The following SGIP1 variants were observed in gnomAD, a reference collection of about 807,000 sequenced individuals.
The protein encoded by SGIP1 is SH3-containing GRB2-like protein 3-interacting protein 1.
A neutral mutation model predicts 107.5 loss-of-function variants in SGIP1; 38 were observed. The observed-to-expected ratio is 0.35, with a 90% CI of 0.27 to 0.46. The LOEUF (loss-of-function observed/expected upper bound fraction) is 0.46, where lower values mean the gene tolerates loss of function less well. SGIP1 is among the 20% of genes least tolerant of loss of function. The pLI, the probability that SGIP1 is intolerant of heterozygous loss-of-function variation, is 1.00. For synonymous variants in SGIP1, 365 were observed against 366.1 expected, an observed-to-expected ratio of 1.00 and a Z score of 0.03; for missense variants, 929 against 1,019.5, an observed-to-expected ratio of 0.91 and a Z score of 1.21.
At chr1:66,729,607 G>A (rs1421716529) in intron 20 of SGIP1, among the ~76,000 whole-genome samples, 188 bp downstream of exon 20, 1 of 152,152 alleles carries the variant, frequency 6.6e-6, no homozygotes, top group African/African-American at 2.4e-5. Flanking sequence ...GTGTGTGAAT[G>A]TGTGACTGCA....
intron 15 of SGIP1, among the ~76,000 whole-genome samples, chr1:66,683,674 C>A (rs993008669): frequency 2.2e-5 from 3 of 134,108 alleles, no homozygotes; most frequent in East Asian, 6.5e-4. Context: ...TTATCCTGGG[C>A]ACCACACTGT....
At chr1:66,640,229 A>T (rs767712972) in intron 5 of SGIP1, among the ~76,000 whole-genome samples, 23 of 152,302 alleles carry the variant, frequency 1.5e-4, no homozygotes, top group Non-Finnish European at 2.5e-4. Flanking sequence ...TGGGTAGCAA[A>T]AAAGAAGTCA....
At chr1:66,538,446 C>A (rs554808949) in intron 1 of SGIP1, among the ~76,000 whole-genome samples, 2 of 152,102 alleles carry the variant, frequency 1.3e-5, no homozygotes, top group African/African-American at 4.8e-5. Context: ...ATATATGTTC[C>A]CATCCAAATG....
At chr1:66,673,470 T>A (rs2084368508) in intron 12 of SGIP1, 104 bp downstream of exon 12, 20 of 1,057,944 alleles carry the variant, frequency 1.9e-5, no homozygotes, top group Non-Finnish European at 2.6e-5. Flanking sequence ...TTTAATATAT[T>A]ATTTTCGTGG....
chr1:66,726,451 TAGAGG>T (rs1272650711), intron 19 of SGIP1, among the ~76,000 whole-genome samples: 1 of 152,172 alleles, frequency 6.6e-6, no homozygotes, highest in Non-Finnish European at 1.5e-5. Flanking sequence ...GGAACAAAGT[TAGAGG>T]ACTAACATTA....
intron 23 of SGIP1, 70 bp downstream of exon 23, chr1:66,740,792 T>A (rs1572478043): frequency 1.1e-5 from 11 of 960,284 alleles, no homozygotes; most frequent in African/African-American, 1.7e-5. Context: ...TGCCAACTAT[T>A]ACCCAAAACA....
At chr1:66,578,127 T>C (rs964602719) in intron 1 of SGIP1, among the ~76,000 whole-genome samples, 2 of 152,226 alleles carry the variant, frequency 1.3e-5, no homozygotes, top group African/African-American at 4.8e-5. Flanking sequence ...GTACTGGGCA[T>C]TATTGGGGGT....
At chr1:66,586,860 G>C (rs926878986) in intron 1 of SGIP1, among the ~76,000 whole-genome samples, 3 of 151,652 alleles carry the variant, frequency 2.0e-5, no homozygotes, top group Non-Finnish European at 4.4e-5. Flanking sequence ...TTTTAGAGTA[G>C]GTCTGCTGGT....
intron 7 of SGIP1, among the ~76,000 whole-genome samples, chr1:66,653,140 G>A (rs762628779): frequency 1.1e-4 from 16 of 152,084 alleles, no homozygotes; most frequent in South Asian, 8.3e-4. Context: ...CACATGAGAC[G>A]CAACTTTTGT....
rs1207608352 is a variant in SGIP1 at position 66,748,274 on chromosome 1, C to T, written c.*5179C>T. The T allele has an allele frequency of 1.3e-5, 2 of 151,938 alleles. No homozygotes were observed. Among genetic ancestry groups the T allele is most frequent in the African/African-American group, 4.8e-5 (2 of 41,426 alleles). 9.4% of individuals were successfully genotyped at this position (151,938 alleles called of 1,614,324 possible). A position where few individuals can be genotyped will look rare whatever the true frequency, so the allele number is the denominator to read the frequency against. ...AGATAGGAGTACATTGCTTAAGTCT[C>T]TAAATATTAAAAACAACAACAAAAC... On this transcript the variant is annotated 3_prime_UTR_variant, in exon 25 of 25. Transcript: ENST00000371037.
intron 18 of SGIP1, among the ~76,000 whole-genome samples, chr1:66,706,851 A>C (rs2092555975): frequency 6.6e-6 from 1 of 152,150 alleles, no homozygotes; most frequent in African/African-American, 2.4e-5. Context: ...TTATTTTAAC[A>C]TACGCTAATA....
chr1:66,608,543 A>G (rs2067295119), intron 1 of SGIP1, among the ~76,000 whole-genome samples: 1 of 152,204 alleles, frequency 6.6e-6, no homozygotes, highest in East Asian at 1.9e-4. Flanking sequence ...ACACTGTGCT[A>G]TAATTCAGCA....
chr1:66,741,853 T>C (rs990310589), intron 24 of SGIP1, among the ~76,000 whole-genome samples: 8 of 151,846 alleles, frequency 5.3e-5, no homozygotes, highest in Non-Finnish European at 8.8e-5. Context: ...CTGCAAGCTC[T>C]GCCTCCCGGG....
chr1:66,731,412 A>G (rs1053640535), intron 20 of SGIP1, among the ~76,000 whole-genome samples: 1 of 152,192 alleles, frequency 6.6e-6, no homozygotes, highest in African/African-American at 2.4e-5. Context: ...GTTCTTAGGC[A>G]TATGTGCAAA....
chr1:66,668,399 C>T (rs771307481), intron 9 of SGIP1, among the ~76,000 whole-genome samples: 5 of 152,068 alleles, frequency 3.3e-5, no homozygotes, highest in Non-Finnish European at 7.4e-5. Flanking sequence ...CCATGTTAGC[C>T]AGGATGGTCT....
intron 7 of SGIP1, among the ~76,000 whole-genome samples, chr1:66,653,753 T>C (rs2079176430): frequency 6.6e-6 from 1 of 152,224 alleles, no homozygotes; most frequent in Non-Finnish European, 1.5e-5. Flanking sequence ...ATTACATGTT[T>C]TTTATTATAA....
At chr1:66,673,107 A>C (rs1324011356) in intron 11 of SGIP1, among the ~76,000 whole-genome samples, 174 bp from the exon 12 acceptor site, 1 of 152,180 alleles carries the variant, frequency 6.6e-6, no homozygotes, top group Non-Finnish European at 1.5e-5. Flanking sequence ...AATACATCTG[A>C]CATCCTTATA....
chr1:66,631,879 C>T lies in SGIP1; in HGVS notation c.75-1191C>T, dbSNP rs773109442. On this transcript the variant is annotated intron_variant, in intron 2 of 24. Transcript: ENST00000371037. ...TCTTCCAAATAATGAGGCTCCCTTT[C>T]GAAGCATAATACGTATCGCTGTATG... Among the ~76,000 whole-genome samples, 15 of 152,270 alleles carry T rather than the reference C, an allele frequency of 9.9e-5. No homozygotes were observed. The East Asian group carries it at 1.4e-3, about 14-fold the overall frequency.
chr1:66,683,559 C>T (rs1004911062), intron 15 of SGIP1, among the ~76,000 whole-genome samples: 2 of 152,094 alleles, frequency 1.3e-5, no homozygotes, highest in Non-Finnish European at 2.9e-5. Context: ...TGTATGCTTC[C>T]AGGTCCTCTT....
Sources: gnomAD v4.1 joint callset for allele counts (sites outside exome capture counted in the v4.1 genomes callset) on GRCh38, gnomAD v4.1.1 for gene constraint, MANE v1.5 for transcripts, NCBI Gene and HGNC (gene_info 2026-07-23, HGNC 2026-07-21) for gene names.